UBE2W: variants seen among roughly 807,000 people sequenced by gnomAD.
The protein encoded by UBE2W is ubiquitin-conjugating enzyme E2 W.
In UBE2W, 18 loss-of-function variants were observed where a neutral mutation model predicts 27.2. The observed-to-expected ratio is 0.66, with a 90% CI of 0.46 to 0.98. The LOEUF (loss-of-function observed/expected upper bound fraction) is 0.98. Among genes scored for constraint, UBE2W ranks in the 50% least tolerant of loss-of-function variants. The pLI is 0.00. For synonymous variants in UBE2W, 53 were observed against 57.2 expected (o/e 0.93, Z 0.33); for missense variants, 90 against 180.2 (o/e 0.50, Z 2.87).
chr8:73,839,726 GTTT>G (rs149185338), intron 1 of UBE2W, among the ~76,000 whole-genome samples: 29 of 123,126 alleles, frequency 2.4e-4, no homozygotes, highest in South Asian at 5.5e-4. Context: ...TTCTTTTTTG[GTTT>G]TTTTTTTTTT....
intron 1 of UBE2W, among the ~76,000 whole-genome samples, chr8:73,838,143 G>T (rs1434490533): frequency 1.3e-5 from 2 of 151,998 alleles, no homozygotes; most frequent in African/African-American, 4.8e-5. Context: ...TACCAATAAT[G>T]GTATGTAAAT....
chr8:73,823,939 T>C (rs551793879), intron 3 of UBE2W, among the ~76,000 whole-genome samples: 24 of 152,326 alleles, frequency 1.6e-4, no homozygotes, highest in African/African-American at 5.3e-4. Flanking sequence ...AATATGATTT[T>C]CCTCCAAATA....
intron 1 of UBE2W, among the ~76,000 whole-genome samples, chr8:73,838,352 A>C (rs1810395025): frequency 1.3e-5 from 2 of 152,178 alleles, no homozygotes; most frequent in Admixed American, 1.3e-4. Flanking sequence ...ACATACCACA[A>C]AACGGAATGC....
chr8:73,858,711 AG>A (rs1191846410), intron 1 of UBE2W, among the ~76,000 whole-genome samples: 5 of 146,804 alleles, frequency 3.4e-5, no homozygotes, highest in Admixed American at 6.8e-5. Context: ...AGCAGCAGCT[AG>A]TACCTTTTAA....
chr8:73,865,358 AC>A (rs1318243035), intron 1 of UBE2W, among the ~76,000 whole-genome samples: 1 of 150,690 alleles, frequency 6.6e-6, no homozygotes, highest in Admixed American at 6.6e-5. Flanking sequence ...TATGTCTGTA[AC>A]CCCAGCACTT....
intron 1 of UBE2W, among the ~76,000 whole-genome samples, chr8:73,857,452 T>C (rs906370085): frequency 2.6e-4 from 20 of 78,118 alleles, no homozygotes; most frequent in Non-Finnish European, 7.2e-4. Context: ...TTATAAAAGA[T>C]TGCAAGTATG....
intron 1 of UBE2W, among the ~76,000 whole-genome samples, chr8:73,869,916 T>C (rs1036232914): frequency 2.0e-5 from 3 of 151,942 alleles, no homozygotes; most frequent in Non-Finnish European, 4.4e-5. Flanking sequence ...AGGTCATATA[T>C]AATATAATTC....
At chr8:73,809,189 A>C (rs1422931479) in intron 4 of UBE2W, among the ~76,000 whole-genome samples, 2 of 152,188 alleles carry the variant, frequency 1.3e-5, no homozygotes, top group Non-Finnish European at 1.5e-5. Context: ...AATGAGTAAA[A>C]AAACAAAACA....
At chr8:73,832,310 A>G (rs1204161148) in intron 1 of UBE2W, among the ~76,000 whole-genome samples, 2 of 152,164 alleles carry the variant, frequency 1.3e-5, no homozygotes, top group East Asian at 3.9e-4. Flanking sequence ...CAAAAATAAA[A>G]CAAAAATTAG....
rs1180904180 is a variant in UBE2W, at chr8:73,793,027, C to T, written c.*1075G>A. 52 of 985,314 alleles carry T rather than the reference C, an allele frequency of 5.3e-5. No homozygotes were observed. The highest frequency in any genetic ancestry group is 1.6e-5 in the Non-Finnish European group (13 of 829,620). The allele number at this position is 985,314 out of a possible 1,614,324, so 61.0% of individuals were successfully genotyped here. A position where few individuals can be genotyped will look rare whatever the true frequency, so the allele number is the denominator to read the frequency against. ...TACAGGATTAAAGGACAAGATGATA[C>T]TCACAAGTAAAGAAAATTTACAAGA... On this transcript the variant is annotated 3_prime_UTR_variant, in exon 6 of 6. Coordinates refer to ENST00000602593, the MANE Select transcript of UBE2W (RefSeq NM_018299.6).
At chr8:73,822,602 C>CGAAA (rs1809661662) in intron 3 of UBE2W, among the ~76,000 whole-genome samples, 1 of 51,216 alleles carries the variant, frequency 2.0e-5, no homozygotes, top group Non-Finnish European at 3.6e-5. Flanking sequence ...CTTGCAACTG[C>CGAAA]AAAAAAAAAA....
chr8:73,820,964 A>G (rs1426041915), intron 3 of UBE2W, among the ~76,000 whole-genome samples: 1 of 152,098 alleles, frequency 6.6e-6, no homozygotes, highest in Non-Finnish European at 1.5e-5. Context: ...CCACCCCACC[A>G]AAAAGTAAAT....
chr8:73,838,274 TC>T (rs886303743), intron 1 of UBE2W, among the ~76,000 whole-genome samples: 1 of 152,178 alleles, frequency 6.6e-6, no homozygotes, highest in Non-Finnish European at 1.5e-5. Context: ...ACTAATTTAT[TC>T]CTTTTTTTCC....
chr8:73,862,075 T>G (rs927532338), intron 1 of UBE2W, among the ~76,000 whole-genome samples: 2 of 152,224 alleles, frequency 1.3e-5, no homozygotes, highest in African/African-American at 4.8e-5. Context: ...ATTTACATAA[T>G]TGGCACACCT....
In UBE2W at chr8:73,786,643, TG is replaced by T; in HGVS notation, c.*7458del. The T allele has an allele frequency of 1.0e-6, 1 of 985,430 alleles. No individual in the cohort carries two copies. The highest frequency in any genetic ancestry group is 1.7e-5 in the African/African-American group (1 of 57,348). 61.0% of individuals were successfully genotyped at this position (985,430 alleles called of 1,614,324 possible). A position where few individuals can be genotyped will look rare whatever the true frequency, so the allele number is the denominator to read the frequency against. ...AGGGAAGAACATTAGCAGACGGCAGTGGAAGCTTGCATTGCTACTGCTTATG... is the reference window on the plus strand; with the variant it reads ...AGGGAAGAACATTAGCAGACGGCAGTGAAGCTTGCATTGCTACTGCTTATG... On this transcript the variant is annotated 3_prime_UTR_variant, in exon 6 of 6. Coordinates refer to ENST00000602593, the MANE Select transcript of UBE2W (RefSeq NM_018299.6).
chr8:73,792,691 G>C lies in UBE2W; in HGVS notation c.*1411C>G. The C allele has an allele frequency of 2.0e-6, 2 of 985,030 alleles. No homozygotes were observed. Among genetic ancestry groups the C allele is most frequent in the Non-Finnish European group, 2.4e-6 (2 of 829,222 alleles). The allele number at this position is 985,030 out of a possible 1,614,324, so 61.0% of individuals were successfully genotyped here. A position where few individuals can be genotyped will look rare whatever the true frequency, so the allele number is the denominator to read the frequency against. On this transcript the variant is annotated 3_prime_UTR_variant, in exon 6 of 6. Coordinates refer to ENST00000602593, the MANE Select transcript of UBE2W (RefSeq NM_018299.6). The stretch of plus-strand genomic sequence containing the variant: ...TGTAGTAGAAACAGATTTTGCATAT[G>C]TGAAAAGGTAATTTATAAAATACAT...
chr8:73,817,381 T>A (rs933325257), intron 3 of UBE2W, among the ~76,000 whole-genome samples: 2 of 152,192 alleles, frequency 1.3e-5, no homozygotes, highest in African/African-American at 4.8e-5. Flanking sequence ...TTCAGATTTC[T>A]TTCACTCAAA....
At chr8:73,825,363 T>C (rs1201125632) in intron 2 of UBE2W, 114 bp from the exon 3 acceptor site, 1 of 657,708 alleles carries the variant, frequency 1.5e-6, no homozygotes, top group East Asian at 2.7e-5. Context: ...GAGTTGGTTA[T>C]GTGTAACAGC....
At chr8:73,847,475 C>T (rs1418425738) in intron 1 of UBE2W, among the ~76,000 whole-genome samples, 1 of 152,134 alleles carries the variant, frequency 6.6e-6, no homozygotes, top group African/African-American at 2.4e-5. Flanking sequence ...CTCTCACCCA[C>T]CAATTCCATT....
Sources: allele counts gnomAD v4.1 joint callset (sites outside exome capture counted in the v4.1 genomes callset), GRCh38; gene constraint gnomAD v4.1.1; transcripts MANE v1.5; gene names NCBI Gene and HGNC (gene_info 2026-07-23, HGNC 2026-07-21).